The following NECAB1 variants were observed in gnomAD, a reference collection of about 807,000 sequenced individuals.
The protein encoded by NECAB1 is N-terminal EF-hand calcium binding protein 1.
NECAB1 carries 29 observed loss-of-function variants against 57.5 expected under a neutral mutation model. The ratio of observed to expected loss-of-function variants is 0.50; its 90% CI spans 0.38 to 0.69. NECAB1 has a LOEUF of 0.69. Ranked by LOEUF, NECAB1 falls within the 30% of genes least tolerant of loss-of-function variation. NECAB1 has a pLI of 0.00. For missense variants in NECAB1, 372 were observed against 413.8 expected, an observed-to-expected ratio of 0.90 and a Z score of 0.88; for synonymous variants, 142 against 147.7, an observed-to-expected ratio of 0.96 and a Z score of 0.28.
Position 90,947,351 on chromosome 8 carries a change from C to CACACACACACACACACAG in NECAB1, c.861-2455_861-2454insCACACACACACACACAGA, listed in dbSNP as rs1342952213. Reference sequence around the variant, plus strand: ...ACACACACACACACACACACACACACAATAAGCCAAGTACTGAGTTAAGAA... The same window carrying CACACACACACACACACAG: ...ACACACACACACACACACACACACACACACACACACACACACAGAATAAGCCAAGTACTGAGTTAAGAA... On this transcript the variant is annotated intron_variant, in intron 10 of 12. Transcript: ENST00000417640. Among the ~76,000 whole-genome samples the CACACACACACACACACAG allele has an allele frequency of 6.1e-3, 761 of 125,224 alleles. 17 individuals carry two copies. Among genetic ancestry groups the CACACACACACACACACAG allele is most frequent in the East Asian group, 0.024 (91 of 3,802 alleles). 82.2% of individuals were successfully genotyped at this position (125,224 alleles called of 152,430 possible). A position where few individuals can be genotyped will look rare whatever the true frequency, so the allele number is the denominator to read the frequency against.
At chr8:90,873,891 G>GA (rs35076798) in intron 4 of NECAB1, among the ~76,000 whole-genome samples, 74,522 of 151,972 alleles carry the variant, frequency 0.49, 23,076 homozygotes, top group African/African-American at 0.85. Context: ...AATGGAACTA[G>GA]TTAGGTCCCT....
At chr8:90,866,422 T>C (rs1460638465) in intron 3 of NECAB1, among the ~76,000 whole-genome samples, 1 of 152,146 alleles carries the variant, frequency 6.6e-6, no homozygotes, top group Non-Finnish European at 1.5e-5. Context: ...TATTAAGGGG[T>C]ATAGCAGTGT....
intron 8 of NECAB1, among the ~76,000 whole-genome samples, chr8:90,931,549 C>T (rs1040595773): frequency 4.6e-5 from 7 of 152,186 alleles, no homozygotes; most frequent in Non-Finnish European, 1.0e-4. Context: ...TTTCAGCCTC[C>T]ATGAGAATTT....
At chr8:90,854,503 G>A (rs1346314457) in intron 3 of NECAB1, among the ~76,000 whole-genome samples, 1 of 152,074 alleles carries the variant, frequency 6.6e-6, no homozygotes, top group Non-Finnish European at 1.5e-5. Flanking sequence ...AAAATACCAA[G>A]GAATCCTGAA....
At chr8:90,850,621 A>G (rs143985548) in intron 3 of NECAB1, among the ~76,000 whole-genome samples, 1 of 152,342 alleles carries the variant, frequency 6.6e-6, no homozygotes, top group African/African-American at 2.4e-5. Context: ...GCGCTATTGG[A>G]CAGCTGAGAG....
At chr8:90,863,121 A>C (rs1808439123) in intron 3 of NECAB1, among the ~76,000 whole-genome samples, 1 of 152,034 alleles carries the variant, frequency 6.6e-6, no homozygotes, top group Admixed American at 6.6e-5. Context: ...AGAATAATAA[A>C]AAAAAGAACG....
intron 8 of NECAB1, among the ~76,000 whole-genome samples, chr8:90,933,572 A>G (rs1294400907): frequency 6.6e-6 from 1 of 152,134 alleles, no homozygotes; most frequent in South Asian, 2.1e-4. Flanking sequence ...TTGGGGACTC[A>G]GGAGAAAAGG....
At chr8:90,948,522 G>A (rs1810857564) in intron 10 of NECAB1, among the ~76,000 whole-genome samples, 1 of 152,146 alleles carries the variant, frequency 6.6e-6, no homozygotes, top group Admixed American at 6.6e-5. Flanking sequence ...TTACTGCTAA[G>A]TTATGTGTTC....
chr8:90,841,938 GAA>G (rs1812462995), intron 3 of NECAB1, among the ~76,000 whole-genome samples: 1 of 152,208 alleles, frequency 6.6e-6, no homozygotes, highest in Non-Finnish European at 1.5e-5. Context: ...CACAGGAACA[GAA>G]AACCAAATAC....
At chr8:90,945,076 T>A (rs189393423) in intron 10 of NECAB1, among the ~76,000 whole-genome samples, 19 of 152,090 alleles carry the variant, frequency 1.2e-4, no homozygotes, top group African/African-American at 2.9e-4. Flanking sequence ...TTATTTATTT[T>A]TTTTTGAGAT....
intron 2 of NECAB1, among the ~76,000 whole-genome samples, chr8:90,807,774 A>G (rs747518609): frequency 1.3e-5 from 2 of 152,132 alleles, no homozygotes; most frequent in African/African-American, 2.4e-5. Flanking sequence ...ATAGCTCTGT[A>G]CTCATATGTT....
intron 3 of NECAB1, among the ~76,000 whole-genome samples, chr8:90,859,844 T>G (rs1029779917): frequency 4.6e-5 from 7 of 152,072 alleles, no homozygotes; most frequent in Non-Finnish European, 8.8e-5. Context: ...TTTTTCAAAT[T>G]TACAGTAATC....
At chr8:90,871,167 A>C (rs147973021) in intron 3 of NECAB1, among the ~76,000 whole-genome samples, 1 of 152,316 alleles carries the variant, frequency 6.6e-6, no homozygotes, top group Non-Finnish European at 1.5e-5. Flanking sequence ...ATATAAAGTC[A>C]AGATTTTCAG....
chr8:90,842,081 G>T (rs752237056), intron 3 of NECAB1, among the ~76,000 whole-genome samples: 19 of 152,152 alleles, frequency 1.2e-4, no homozygotes, highest in Non-Finnish European at 2.5e-4. Context: ...AAAGCTAATG[G>T]ATGCTGGGCT....
At chr8:90,901,236 A>T (rs72662579) in intron 5 of NECAB1, among the ~76,000 whole-genome samples, 1,381 of 39,568 alleles carry the variant, frequency 0.035, 6 homozygotes, top group African/African-American at 0.098. Context: ...TCTCTCTGTT[A>T]AAAAAAAAAA....
chr8:90,917,460 ACTT>A, intron 5 of NECAB1, 29 bp from the exon 6 acceptor site: 1 of 1,557,620 alleles, frequency 6.4e-7, no homozygotes, highest in Non-Finnish European at 8.7e-7. Flanking sequence ...TTTCTACCAT[ACTT>A]CTAATTGCAT....
chr8:90,824,787 A>C lies in NECAB1; in HGVS notation c.195A>C (p.Leu65Phe), dbSNP rs1325674888. Reference sequence around the variant, plus strand: ...ATGGTGTTCTCAGTGGAGAAGAATTACACGAGCTTTTCCATACCATTGATA... The same window carrying C: ...ATGGTGTTCTCAGTGGAGAAGAATTCCACGAGCTTTTCCATACCATTGATA... ...FADGVLSGEELHELFHTIDTH... is the reference protein window; with the variant it reads ...FADGVLSGEEFHELFHTIDTH... Residue 65 changes from leucine (L) to phenylalanine (F), a missense_variant, in exon 3 of 13, where the codon TTA (leucine) becomes TTC (phenylalanine). Coordinates refer to ENST00000417640, the MANE Select transcript of NECAB1 (RefSeq NM_022351.5). 6.4e-7 allele frequency: 1 copy of C among 1,552,584 alleles called. No homozygotes were observed. Among genetic ancestry groups the C allele is most frequent in the African/African-American group, 1.4e-5 (1 of 73,340 alleles).
intron 3 of NECAB1, among the ~76,000 whole-genome samples, chr8:90,843,280 G>A (rs117602632): frequency 0.013 from 2,033 of 152,306 alleles, 12 homozygotes; most frequent in Non-Finnish European, 0.019. Context: ...AGATTTGGGT[G>A]AGGACACAGC....
chr8:90,830,110 G>A (rs899480838), intron 3 of NECAB1, among the ~76,000 whole-genome samples: 25 of 151,974 alleles, frequency 1.6e-4, no homozygotes, highest in African/African-American at 5.6e-4. Context: ...GTGGACATAC[G>A]CTGTGGGCAG....
Sources: gnomAD v4.1 joint callset for allele counts (sites outside exome capture counted in the v4.1 genomes callset) on GRCh38, gnomAD v4.1.1 for gene constraint, MANE v1.5 for transcripts, NCBI Gene and HGNC (gene_info 2026-07-23, HGNC 2026-07-21) for gene names.